Variants in RANBP6 observed in about 807,000 individuals in gnomAD.
The protein encoded by RANBP6 is RAN binding protein 6.
Under a neutral mutation model 35.3 loss-of-function variants are expected in RANBP6, and 10 were observed. The observed-to-expected ratio is 0.28, with a 90% CI of 0.17 to 0.48. The LOEUF (loss-of-function observed/expected upper bound fraction) is 0.48. Among genes scored for constraint, RANBP6 ranks in the 20% least tolerant of loss-of-function variants. RANBP6 has a pLI of 0.99. For synonymous variants in RANBP6, 514 were observed against 464.2 expected, an observed-to-expected ratio of 1.11 and a Z score of -1.38; for missense variants, 1,392 against 1,307.7, an observed-to-expected ratio of 1.06 and a Z score of -0.99.
chr9:6,011,679 T>C lies in RANBP6; in HGVS notation c.*611A>G, dbSNP rs879898631. ...CTGTCTGGCTAAAGAAATTTAAAAG[T>C]TCTCTAACTCTCAACCAGACACCTT... On this transcript the variant is annotated 3_prime_UTR_variant, in exon 1 of 1. Transcript: ENST00000259569. 6.6e-6 allele frequency: 1 copy of C among 152,076 alleles called. No individual in the cohort carries two copies. Among genetic ancestry groups the C allele is most frequent in the Non-Finnish European group, 1.5e-5 (1 of 67,988 alleles). 9.4% of individuals were successfully genotyped at this position (152,076 alleles called of 1,614,324 possible). A position where few individuals can be genotyped will look rare whatever the true frequency, so the allele number is the denominator to read the frequency against.
In RANBP6 at chr9:6,014,279, T is replaced by C. The variant is rs1239961288; in HGVS notation, c.1329A>G (p.Gln443=). 6.2e-7 allele frequency: 1 copy of C among 1,614,218 alleles called. No individual in the cohort carries two copies. The highest frequency in any genetic ancestry group is 1.1e-5 in the South Asian group (1 of 91,086). Residue 443 remains glutamine (Q), a synonymous_variant, in exon 1 of 1, where the codon CAA becomes CAG. Transcript: ENST00000259569. ...CAATCACTGTTTCATGAAATTTCTT[T>C]TGGAAATTAGGTGCAAAATCTGTAG... ...QMATDFAPNF[Q]KKFHETVIAA...
Position 6,013,447 on chromosome 9 carries a change from A to T in RANBP6, c.2161T>A (p.Phe721Ile). 6.2e-7 allele frequency: 1 copy of T among 1,614,220 alleles called. No homozygotes were observed. Among genetic ancestry groups the T allele is most frequent in the Non-Finnish European group, 8.5e-7 (1 of 1,180,034 alleles). Residue 721 changes from phenylalanine to isoleucine, a missense_variant, in exon 1 of 1, where the codon TTT (phenylalanine) becomes ATT (isoleucine). Coordinates refer to ENST00000259569, the MANE Select transcript of RANBP6 (RefSeq NM_012416.4). ...VVKLMVPLLK[F>I]YFHDNVRVAA... ...ACTCGAACATTGTCATGGAAATAAAATTTCAGTAAAGGAACCATCAGCTTC... is the reference window on the plus strand; with the variant it reads ...ACTCGAACATTGTCATGGAAATAAATTTTCAGTAAAGGAACCATCAGCTTC...
At position 6,014,280 on chromosome 9, in the gene RANBP6, T is replaced by C. The variant is rs1440050739; in HGVS notation, c.1328A>G (p.Gln443Arg). Residue 443 changes from glutamine (Q) to arginine (R), a missense_variant, in exon 1 of 1, where the codon CAA becomes CGA. Physicochemically the swap from Gln to Arg is conservative, Grantham distance 43. Transcript: ENST00000259569. ...QMATDFAPNF[Q>R]KKFHETVIAA... ...AATCACTGTTTCATGAAATTTCTTT[T>C]GGAAATTAGGTGCAAAATCTGTAGC... is the stretch of plus-strand genomic sequence containing the variant. 1.9e-6 allele frequency: 3 copies of C among 1,614,232 alleles called. No individual in the cohort carries two copies. Among genetic ancestry groups the C allele is most frequent in the East Asian group, 2.2e-5 (1 of 44,886 alleles).
chr9:6,015,221 T>C lies in RANBP6; in HGVS notation c.387A>G (p.Ile129Met), dbSNP rs766219604. 2.5e-6 allele frequency: 4 copies of C among 1,614,064 alleles called. No homozygotes were observed. Among genetic ancestry groups the C allele is most frequent in the Non-Finnish European group, 3.4e-6 (4 of 1,180,044 alleles). Residue 129 changes from isoleucine (I) to methionine (M), a missense_variant, in exon 1 of 1, where the codon ATA becomes ATG. Ile to Met is a conservative substitution (Grantham distance 10). Coordinates refer to ENST00000259569, the MANE Select transcript of RANBP6 (RefSeq NM_012416.4). The part of the protein sequence containing the change: ...DIFAVLARNL[I>M]DEDGTNHWPE... ...GCCAGTGGTTAGTGCCATCCTCATC[T>C]ATCAAATTCCTGGCCAGCACTGCAA...
Position 6,013,165 on chromosome 9 carries a change from T to G in RANBP6, c.2443A>C (p.Asn815His), listed in dbSNP as rs775899669. Residue 815 changes from asparagine (N) to histidine (H), a missense_variant, in exon 1 of 1, where the codon AAC becomes CAC. By Grantham distance (68) the Asn-to-His change is moderately conservative. Coordinates refer to ENST00000259569, the MANE Select transcript of RANBP6 (RefSeq NM_012416.4). The part of the protein sequence containing the change: ...LKAKLEGHFK[N>H]QELRQVKRQE... ...CTTTTCACCTGTCTCAATTCTTGGT[T>G]TTTAAAGTGCCCTTCAAGTTTTGCT... The G allele has an allele frequency of 1.2e-6, 2 of 1,614,030 alleles. No individual in the cohort carries two copies. Among genetic ancestry groups the G allele is most frequent in the Non-Finnish European group, 1.7e-6 (2 of 1,180,002 alleles).
At position 6,015,341 on chromosome 9, in the gene RANBP6, C is replaced by T; in HGVS notation, c.267G>A (p.Leu89=). 1 of 1,614,218 alleles carries T rather than the reference C, an allele frequency of 6.2e-7. No homozygotes were observed. The highest frequency in any genetic ancestry group is 8.5e-7 in the Non-Finnish European group (1 of 1,180,046). The change falls in exon 1 of 1, where the codon CTG becomes CTA. Residue 89 remains leucine (L), a synonymous_variant. Transcript: ENST00000259569. ...SSGFEEVYPN[L]PADVQRDVKI... ...TGACATCTCTCTGAACATCAGCAGG[C>T]AGATTTGGATAAACCTCCTCAAACC... is the stretch of plus-strand genomic sequence containing the variant.
chr9:6,014,320 T>C lies in RANBP6; in HGVS notation c.1288A>G (p.Thr430Ala), dbSNP rs2129710409. 1 of 1,614,198 alleles carries C rather than the reference T, an allele frequency of 6.2e-7. No individual in the cohort carries two copies. Among genetic ancestry groups the C allele is most frequent in the Non-Finnish European group, 8.5e-7 (1 of 1,180,028 alleles). ...AAATCTGTAGCCATCTGTCCAAGTG[T>C]AGTACAGGCTGCAGCCCTCACCCTT... is the stretch of plus-strand genomic sequence containing the variant. ...HPRVRAAACT[T>A]LGQMATDFAP... The change falls in exon 1 of 1, where the codon ACA becomes GCA. Residue 430 changes from threonine to alanine, a missense_variant. By Grantham distance (58) the Thr-to-Ala change is moderately conservative (BLOSUM62 0). Coordinates refer to ENST00000259569, the MANE Select transcript of RANBP6 (RefSeq NM_012416.4).
chr9:6,012,180 A>C lies in RANBP6; in HGVS notation c.*110T>G. On this transcript the variant is annotated 3_prime_UTR_variant, in exon 1 of 1. Coordinates refer to ENST00000259569, the MANE Select transcript of RANBP6 (RefSeq NM_012416.4). ...TGGAGAAACATGGAGAAGAACTATAAACTGCTTAGCAGGGAGAAAACAGTT... is the reference window on the plus strand; with the variant it reads ...TGGAGAAACATGGAGAAGAACTATACACTGCTTAGCAGGGAGAAAACAGTT... The C allele has an allele frequency of 1.2e-6, 1 of 816,466 alleles. No individual in the cohort carries two copies. The highest frequency in any genetic ancestry group is 1.8e-6 in the Non-Finnish European group (1 of 550,532). The allele number at this position is 816,466 out of a possible 1,614,324, so 50.6% of individuals were successfully genotyped here. A position where few individuals can be genotyped will look rare whatever the true frequency, so the allele number is the denominator to read the frequency against.
Position 6,013,300 on chromosome 9 carries a change from C to G in RANBP6, c.2308G>C (p.Asp770His), listed in dbSNP as rs1842508941. 6.2e-7 allele frequency: 1 copy of G among 1,614,218 alleles called. No individual in the cohort carries two copies. Among genetic ancestry groups the G allele is most frequent in the Admixed American group, 1.7e-5 (1 of 60,030 alleles). The part of the protein sequence containing the change: ...PLIKAIGTEP[D>H]TDVLSEIMNS... ...ATTATTTCTGAGAGCACATCTGTAT[C>G]TGGTTCAGTACCAATAGCCTTGATT... Residue 770 changes from aspartate to histidine, a missense_variant, in exon 1 of 1, where the codon GAT (aspartate) becomes CAT (histidine). Physicochemically the swap from Asp to His is moderately conservative, Grantham distance 81. Transcript: ENST00000259569.
At position 6,015,085 on chromosome 9, in the gene RANBP6, G is replaced by A. The variant is rs1174848181; in HGVS notation, c.523C>T (p.Arg175Trp). ...CGTTTGATGATATCCAAATCATGCC[G>A]CTCTTGGGTCCCAAAAATCCCAGGA... ...HFPGIFGTQE[R>W]HDLDIIKRLL... The change falls in exon 1 of 1, where the codon CGG becomes TGG. Residue 175 changes from arginine to tryptophan, a missense_variant. Transcript: ENST00000259569. 2 of 1,613,960 alleles carry A rather than the reference G, an allele frequency of 1.2e-6. No individual in the cohort carries two copies. The highest frequency in any genetic ancestry group is 4.5e-5 in the East Asian group (2 of 44,904).
In RANBP6 at chr9:6,013,948, C is replaced by G. The variant is rs1404247317; in HGVS notation, c.1660G>C (p.Val554Leu). 6.2e-7 allele frequency: 1 copy of G among 1,613,790 alleles called. No homozygotes were observed. The highest frequency in any genetic ancestry group is 8.5e-7 in the Non-Finnish European group (1 of 1,179,980). ...PSLKHIVELAVQKELKLLRGK... is the reference protein window; with the variant it reads ...PSLKHIVELALQKELKLLRGK... ...CTCAGAAGCTTGAGTTCCTTCTGAA[C>G]AGCAAGCTCAACAATGTGCTTTAGT... Residue 554 changes from valine to leucine, a missense_variant, in exon 1 of 1, where the codon GTT (valine) becomes CTT (leucine). Val to Leu is a conservative substitution (Grantham distance 32). Coordinates refer to ENST00000259569, the MANE Select transcript of RANBP6 (RefSeq NM_012416.4).
At position 6,014,551 on chromosome 9, in the gene RANBP6, T is replaced by C. The variant is rs766449685; in HGVS notation, c.1057A>G (p.Arg353Gly). 6.2e-7 allele frequency: 1 copy of C among 1,614,214 alleles called. No homozygotes were observed. The highest frequency in any genetic ancestry group is 8.5e-7 in the Non-Finnish European group (1 of 1,180,036). Residue 353 changes from arginine (R) to glycine (G), a missense_variant, in exon 1 of 1, where the codon AGA (arginine) becomes GGA (glycine). Physicochemically the swap from Arg to Gly is moderately radical, Grantham distance 125. Transcript: ENST00000259569. ...TTTCCACCAAGCCCACAAGCCAGTC[T>C]GTCTAGTGCACTCTCCGCAGCAACT... ...NAVAAESALD[R>G]LACGLGGKVV...
chr9:6,013,932 T>C lies in RANBP6; in HGVS notation c.1676A>G (p.Lys559Arg). Residue 559 changes from lysine to arginine, a missense_variant, in exon 1 of 1, where the codon AAG (lysine) becomes AGG (arginine). Lys to Arg is a conservative substitution (Grantham distance 26). Transcript: ENST00000259569. The part of the protein sequence containing the change: ...IVELAVQKEL[K>R]LLRGKTIECI... The stretch of plus-strand genomic sequence containing the variant: ...CTCGATAGTTTTTCCTCTCAGAAGC[T>C]TGAGTTCCTTCTGAACAGCAAGCTC... 6.2e-7 allele frequency: 1 copy of C among 1,614,008 alleles called. No individual in the cohort carries two copies. Among genetic ancestry groups the C allele is most frequent in the Non-Finnish European group, 8.5e-7 (1 of 1,180,020 alleles).
rs777752468 is a variant in RANBP6 at position 6,012,623 on chromosome 9, TAC to T, written c.2983_2984del (p.Val995LysfsTer4). On this transcript the variant is annotated frameshift_variant, in exon 1 of 1. Coordinates refer to ENST00000259569, the MANE Select transcript of RANBP6 (RefSeq NM_012416.4). LOFTEE classifies it high-confidence loss of function. ...AGTGTGGAAGAACTTCATCTACATT[TAC>T]ACAGTTAGGCTTAAACTTCAAAATC... The part of the protein sequence containing the change: ...GKILKFKPNC[V>X]NVDEVLPHWL... The T allele has an allele frequency of 2.5e-6, 4 of 1,614,076 alleles. No homozygotes were observed. The highest frequency in any genetic ancestry group is 1.1e-5 in the South Asian group (1 of 91,038).
At position 6,014,652 on chromosome 9, in the gene RANBP6, A is replaced by G. The variant is rs2129712272; in HGVS notation, c.956T>C (p.Met319Thr). 1 of 1,614,184 alleles carries G rather than the reference A, an allele frequency of 6.2e-7. No homozygotes were observed. The highest frequency in any genetic ancestry group is 8.5e-7 in the Non-Finnish European group (1 of 1,180,038). ...IAQAVPHILA[M>T]MVDLQDDEDW... ...CTCATCATCTTGTAGATCAACCATC[A>G]TTGCTAATATATGAGGAACTGCCTG... is the stretch of plus-strand genomic sequence containing the variant. Residue 319 changes from methionine (M) to threonine (T), a missense_variant, in exon 1 of 1, where the codon ATG (methionine) becomes ACG (threonine). Physicochemically the swap from Met to Thr is moderately conservative, Grantham distance 81. Transcript: ENST00000259569.
chr9:6,015,421 C>T lies in RANBP6; in HGVS notation c.187G>A (p.Gly63Ser). 4 of 1,614,174 alleles carry T rather than the reference C, an allele frequency of 2.5e-6. No homozygotes were observed. The highest frequency in any genetic ancestry group is 3.4e-6 in the Non-Finnish European group (4 of 1,180,026). ...LLDAVRNRRA[G>S]YEVRQMAAAL... ...GCAGCCATTTGTCTCACCTCATAAC[C>T]TGCTCTTCTATTTCTGACGGCATCT... is the stretch of plus-strand genomic sequence containing the variant. Residue 63 changes from glycine (G) to serine (S), a missense_variant, in exon 1 of 1, where the codon GGT (glycine) becomes AGT (serine). Transcript: ENST00000259569.
Position 6,013,216 on chromosome 9 carries a change from A to C in RANBP6, c.2392T>G (p.Leu798Val). The C allele has an allele frequency of 6.2e-7, 1 of 1,613,964 alleles. No individual in the cohort carries two copies. Among genetic ancestry groups the C allele is most frequent in the Non-Finnish European group, 8.5e-7 (1 of 1,180,002 alleles). ...TTCAGTATTCCTCCCAGTTCTTCCA[A>C]GTGTTCATCATTAAGGCAACCATCT... ...MGDGCLNDEH[L>V]EELGGILKAK... Residue 798 changes from leucine to valine, a missense_variant, in exon 1 of 1, where the codon TTG (leucine) becomes GTG (valine). Leu to Val is a conservative substitution (Grantham distance 32). Coordinates refer to ENST00000259569, the MANE Select transcript of RANBP6 (RefSeq NM_012416.4).
rs1262001330 is a variant in RANBP6 at position 6,014,432 on chromosome 9, G to A, written c.1176C>T (p.Ala392=). The A allele has an allele frequency of 6.2e-7, 1 of 1,614,034 alleles. No individual in the cohort carries two copies. The highest frequency in any genetic ancestry group is 8.5e-7 in the Non-Finnish European group (1 of 1,180,038). Residue 392 remains alanine, a synonymous_variant, in exon 1 of 1, where the codon GCC becomes GCT. Transcript: ENST00000259569. ...TTTGTTGATGGCATCCTTCTCCAATGGCAGATAAGGCCATTAATCCAGCAT... is the reference window on the plus strand; with the variant it reads ...TTTGTTGATGGCATCCTTCTCCAATAGCAGATAAGGCCATTAATCCAGCAT... ...YRHAGLMALS[A]IGEGCHQQME... is the part of the protein sequence containing the mutation.
In RANBP6 at chr9:6,013,108, T is replaced by A. The variant is rs778829981; in HGVS notation, c.2500A>T (p.Met834Leu). ...QEENYDQQVE[M>L]SLQDEDECDV... ...CATTCATCCTCATCTTGCAGAGACA[T>A]CTCAACCTGTTGATCATAGTTTTCT... Residue 834 changes from methionine (M) to leucine (L), a missense_variant, in exon 1 of 1, where the codon ATG (methionine) becomes TTG (leucine). Transcript: ENST00000259569. 10 of 1,614,090 alleles carry A rather than the reference T, an allele frequency of 6.2e-6. No individual in the cohort carries two copies. Among genetic ancestry groups the A allele is most frequent in the Middle Eastern group, 3.3e-4 (2 of 6,062 alleles).
Sources: gnomAD v4.1 joint callset for allele counts on GRCh38, gnomAD v4.1.1 for gene constraint, MANE v1.5 for transcripts, NCBI Gene and HGNC (gene_info 2026-07-23, HGNC 2026-07-21) for gene names.